Variants in KAZN observed in about 807,000 individuals in gnomAD.
KAZN encodes the protein kazrin.
In KAZN, 40 loss-of-function variants were observed where a neutral mutation model predicts 87.4. The observed-to-expected ratio is 0.46, with a 90% CI of 0.36 to 0.60. The LOEUF is 0.60. Among genes scored for constraint, KAZN ranks in the 20% least tolerant of loss-of-function variants. The pLI, the probability that KAZN is intolerant of heterozygous loss-of-function variation, is 0.00. For missense variants in KAZN, 898 were observed against 1,073.9 expected (o/e 0.84, Z 2.29); for synonymous variants, 466 against 458.3 (o/e 1.02, Z -0.22).
intron 1 of KAZN, among the ~76,000 whole-genome samples, chr1:14,608,360 A>G (rs749050245): frequency 2.5e-4 from 38 of 152,258 alleles, no homozygotes; most frequent in Non-Finnish European, 3.7e-4. Context: ...TATAACTGAC[A>G]TGAAAACATA....
rs368257488 is a variant in KAZN at position 14,960,906 on chromosome 1, C to A, written c.418+31C>A. 1.8e-4 allele frequency: 277 copies of A among 1,582,046 alleles called. No homozygotes were observed. The Middle Eastern group carries it at 3.2e-3, about 18-fold the overall frequency. On this transcript the variant is annotated intron_variant, in intron 2 of 14. Coordinates refer to ENST00000376030, the MANE Select transcript of KAZN (RefSeq NM_201628.3). ...TGACGAGTCAGCAGCAGTTCCTTCG[C>A]TGGGAGCTCAGGCCCCAGGGATCTG...
intron 2 of KAZN, among the ~76,000 whole-genome samples, chr1:14,470,145 C>A (rs373221881): frequency 2.6e-5 from 4 of 152,128 alleles, no homozygotes; most frequent in Admixed American, 6.5e-5. Context: ...AGACATACAA[C>A]AAACAGAATG....
Position 14,949,155 on chromosome 1 carries a change from A to AAT in KAZN, c.227-11528_227-11527insTA, listed in dbSNP as rs1553161517. On this transcript the variant is annotated intron_variant, in intron 1 of 14. Transcript: ENST00000376030. This position sits in a 1 kb window ranked among gnomAD's most constrained non-coding sequence, Gnocchi z 4.3. ...GCAACAGAGTGAGACTCCGACTCAA[A>AAT]AATAATAATAATAATAATAATAATA... Among the ~76,000 whole-genome samples, 830 of 143,860 alleles carry AAT rather than the reference A, an allele frequency of 5.8e-3. 17 individuals are homozygous for AAT. The highest frequency in any genetic ancestry group is 0.02 in the African/African-American group (764 of 38,916). The allele number at this position is 143,860 out of a possible 152,430, so 94.4% of individuals were successfully genotyped here.
At chr1:14,299,996 A>AG (rs1654425590) in intron 2 of KAZN, among the ~76,000 whole-genome samples, 1 of 152,040 alleles carries the variant, frequency 6.6e-6, no homozygotes, top group Non-Finnish European at 1.5e-5. Flanking sequence ...TTGTGGGGGT[A>AG]GGAGGGGGAA....
chr1:15,112,771 A>C, intron 14 of KAZN: 2 of 469,358 alleles, frequency 4.3e-6, no homozygotes, highest in Non-Finnish European at 3.9e-6. Flanking sequence ...CCTGGATCTC[A>C]AAGTGCAGGT....
At position 14,428,906 on chromosome 1, in the gene KAZN, T is replaced by TTA. The variant is rs979975162; in HGVS notation, c.250-170064_250-170063dup. 4.7e-4 allele frequency among the ~76,000 whole-genome samples: 71 copies of TTA among 150,282 alleles called. 1 individual carries two copies. The highest frequency in any genetic ancestry group is 6.3e-4 in the African/African-American group (26 of 41,146). Reference sequence around the variant, plus strand: ...TGGGGACACAGCCAAACCATATCGTTTATATATATATATAGGCTTTTCAGG... The same window carrying TTA: ...TGGGGACACAGCCAAACCATATCGTTTATATATATATATATAGGCTTTTCAGG... On this transcript the variant is annotated intron_variant, in intron 2 of 16. Coordinates refer to the KAZN transcript ENST00000636203.
intron 2 of KAZN, among the ~76,000 whole-genome samples, chr1:14,194,761 T>G (rs2100377979): frequency 6.6e-6 from 1 of 152,236 alleles, no homozygotes; most frequent in Middle Eastern, 3.4e-3. Flanking sequence ...GTAGCCAGCC[T>G]AAATCAGAGC....
At chr1:14,398,069 C>G (rs1487182803) in intron 2 of KAZN, among the ~76,000 whole-genome samples, 1 of 152,082 alleles carries the variant, frequency 6.6e-6, no homozygotes, top group Non-Finnish European at 1.5e-5. Context: ...ATAAGTCAAG[C>G]CCAGCCTATA....
intron 2 of KAZN, among the ~76,000 whole-genome samples, chr1:14,358,889 A>G (rs1659264646): frequency 6.6e-6 from 1 of 152,160 alleles, no homozygotes; most frequent in Non-Finnish European, 1.5e-5. Flanking sequence ...GCTGAGAAAA[A>G]AATGTAGATT....
chr1:14,868,057 C>T (rs1183121321), intron 1 of KAZN, among the ~76,000 whole-genome samples: 1 of 78,812 alleles, frequency 1.3e-5, no homozygotes, highest in Admixed American at 1.1e-4. Context: ...ATCACATACG[C>T]ACAGCATTGC....
intron 2 of KAZN, among the ~76,000 whole-genome samples, chr1:14,979,494 C>T (rs764184121): frequency 1.3e-5 from 2 of 152,112 alleles, no homozygotes; most frequent in South Asian, 4.1e-4. Context: ...TATTCCTGAG[C>T]TCATGCTGTG....
chr1:14,412,828 G>A (rs1315065761), intron 2 of KAZN, among the ~76,000 whole-genome samples: 2 of 151,328 alleles, frequency 1.3e-5, no homozygotes, highest in African/African-American at 2.4e-5. Context: ...AATATGGGGA[G>A]GGGATTTTCT....
intron 2 of KAZN, among the ~76,000 whole-genome samples, chr1:14,354,385 C>T (rs1202561247): frequency 2.0e-5 from 3 of 151,972 alleles, no homozygotes; most frequent in Non-Finnish European, 4.4e-5. Flanking sequence ...AAGCCAGGAG[C>T]TAAGAGAAAA....
chr1:14,861,795 A>G (rs954988040), intron 1 of KAZN, among the ~76,000 whole-genome samples: 1 of 152,194 alleles, frequency 6.6e-6, no homozygotes, highest in Non-Finnish European at 1.5e-5. Context: ...ATGCATACCC[A>G]TTGAACTTGA....
chr1:15,011,521 T>C (rs1669569827), intron 2 of KAZN, among the ~76,000 whole-genome samples: 1 of 152,126 alleles, frequency 6.6e-6, no homozygotes. Context: ...TCATGCTCTC[T>C]CTCTGACTCC....
intron 2 of KAZN, among the ~76,000 whole-genome samples, chr1:14,351,560 A>AAAAC (rs149948882): frequency 1.4e-4 from 22 of 152,296 alleles, no homozygotes; most frequent in South Asian, 4.1e-4. Flanking sequence ...TCCAGTCTCA[A>AAAAC]AAACAAACAA....
At chr1:14,935,061 T>C (rs1660291954) in intron 1 of KAZN, among the ~76,000 whole-genome samples, 1 of 152,164 alleles carries the variant, frequency 6.6e-6, no homozygotes, top group Non-Finnish European at 1.5e-5. Flanking sequence ...TCAGCCTTCC[T>C]GTGCTCCTTC....
intron 2 of KAZN, among the ~76,000 whole-genome samples, chr1:14,375,689 ATCC>A (rs1408968151): frequency 2.0e-5 from 3 of 152,168 alleles, no homozygotes; most frequent in South Asian, 2.1e-4. Context: ...GATCGAGACC[ATCC>A]TGGCTAACAT....
intron 2 of KAZN, among the ~76,000 whole-genome samples, chr1:14,437,973 G>T (rs1666496269): frequency 6.6e-6 from 1 of 151,800 alleles, no homozygotes; most frequent in African/African-American, 2.4e-5. Flanking sequence ...CTGTATTGGT[G>T]AACTTCTGAA....
Sources: allele counts gnomAD v4.1 joint callset (sites outside exome capture counted in the v4.1 genomes callset), GRCh38; gene constraint gnomAD v4.1.1; non-coding constraint Gnocchi (gnomAD v3.1); transcripts MANE v1.5; gene names NCBI Gene and HGNC (gene_info 2026-07-23, HGNC 2026-07-21).